TEX2: variants seen among roughly 807,000 people sequenced by gnomAD.
TEX2 encodes testis expressed 2, also known as testis-expressed protein 2.
Under a neutral mutation model 106.9 loss-of-function variants are expected in TEX2, and 53 were observed. The observed-to-expected ratio is 0.50, with a 90% CI of 0.40 to 0.62. The LOEUF is 0.62. Ranked by LOEUF, TEX2 falls within the 20% of genes least tolerant of loss-of-function variation. The probability of loss-of-function intolerance (pLI) is 0.00; values close to 1 mark genes in which losing one functional copy is unlikely to be tolerated. For synonymous variants in TEX2, 523 were observed against 534.8 expected, an observed-to-expected ratio of 0.98 and a Z score of 0.30; for missense variants, 1,207 against 1,379.0, an observed-to-expected ratio of 0.88 and a Z score of 1.98.
intron 8 of TEX2, among the ~76,000 whole-genome samples, chr17:64,159,828 C>G (rs1342014493): frequency 1.3e-5 from 2 of 152,170 alleles, no homozygotes; most frequent in Non-Finnish European, 2.9e-5. Flanking sequence ...AAAATAGAAA[C>G]ATTTCATTAA....
At chr17:64,211,855 A>G (rs2033011672) in intron 2 of TEX2, among the ~76,000 whole-genome samples, 1 of 152,258 alleles carries the variant, frequency 6.6e-6, no homozygotes, top group African/African-American at 2.4e-5. Flanking sequence ...AATAATAAAT[A>G]GAAGTTCTAG....
chr17:64,262,799 G>A (rs2034317695), intron 1 of TEX2, among the ~76,000 whole-genome samples: 1 of 152,208 alleles, frequency 6.6e-6, no homozygotes, highest in East Asian at 1.9e-4. Flanking sequence ...TGAGGGGGGC[G>A]GCAGGAACCC....
In TEX2 at chr17:64,177,367, A is replaced by G. The variant is rs145899546; in HGVS notation, c.2529T>C (p.Asp843=). The change falls in exon 6 of 12, where the codon GAT becomes GAC. Residue 843 remains aspartate (D), a synonymous_variant. Transcript: ENST00000584379. ...TCATTTGGATCTTCTTAGACACCAG[A>G]TCAGACCAGTATTTCTCTCCTAAGA... ...WDFLGEKYWS[D]LVSKKIQMKL... 1.1e-4 allele frequency: 181 copies of G among 1,614,076 alleles called. No homozygotes were observed. Among genetic ancestry groups the G allele is most frequent in the Non-Finnish European group, 1.5e-4 (178 of 1,180,040 alleles).
chr17:64,212,411 C>T (rs1219044022), intron 2 of TEX2, among the ~76,000 whole-genome samples, 163 bp downstream of exon 2: 1 of 152,094 alleles, frequency 6.6e-6, no homozygotes, highest in African/African-American at 2.4e-5. Flanking sequence ...TGAGGTTTAC[C>T]AGATGAGTTG....
In TEX2 at chr17:64,238,525, T is replaced by G. The variant is rs1555635380; in HGVS notation, c.-25-24283A>C. Among the ~76,000 whole-genome samples, 9 of 152,234 alleles carry G rather than the reference T, an allele frequency of 5.9e-5. 1 individual carries two copies. ...AATTTATAAAGAAAAGAGGTTTAAT[T>G]GACTCACAGTTTCACATGGCCGGGA... On this transcript the variant is annotated intron_variant, in intron 1 of 11. Coordinates refer to ENST00000584379, the MANE Select transcript of TEX2 (RefSeq NM_001288732.2).
rs553461009 is a variant in TEX2, at chr17:64,249,748, T to C, written c.-26+13420A>G. Among the ~76,000 whole-genome samples the C allele has an allele frequency of 2.6e-4, 39 of 152,200 alleles. 1 individual carries two copies. Among genetic ancestry groups the C allele is most frequent in the African/African-American group, 9.1e-4 (38 of 41,540 alleles). On this transcript the variant is annotated intron_variant, in intron 1 of 11. Coordinates refer to ENST00000584379, the MANE Select transcript of TEX2 (RefSeq NM_001288732.2). ...GATTTTAGTACCTCCTGAAATAAAATTCACTTCAGGCTATTAGGCCTCCTC... is the reference window on the plus strand; with the variant it reads ...GATTTTAGTACCTCCTGAAATAAAACTCACTTCAGGCTATTAGGCCTCCTC...
chr17:64,258,570 T>G (rs2034229103), intron 1 of TEX2, among the ~76,000 whole-genome samples: 1 of 152,204 alleles, frequency 6.6e-6, no homozygotes, highest in African/African-American at 2.4e-5. Context: ...CTCACATTGT[T>G]ATCACCTGCG....
intron 7 of TEX2, among the ~76,000 whole-genome samples, chr17:64,161,370 G>T (rs1382085797): frequency 6.6e-6 from 1 of 152,230 alleles, no homozygotes; most frequent in Admixed American, 6.5e-5. Context: ...AAGCTGGGTT[G>T]TTCTTTAAAG....
intron 4 of TEX2, among the ~76,000 whole-genome samples, chr17:64,190,030 A>C (rs1460370225): frequency 6.6e-6 from 1 of 152,032 alleles, no homozygotes; most frequent in Non-Finnish European, 1.5e-5. Context: ...CAAAAAATCA[A>C]ATCAAACCAT....
At chr17:64,246,525 G>A (rs989995407) in intron 1 of TEX2, among the ~76,000 whole-genome samples, 1 of 152,144 alleles carries the variant, frequency 6.6e-6, no homozygotes, top group Non-Finnish European at 1.5e-5. Context: ...GATTACAGGC[G>A]TGACCCACCA....
intron 1 of TEX2, among the ~76,000 whole-genome samples, chr17:64,230,135 A>G (rs1463021628): frequency 6.6e-6 from 1 of 152,174 alleles, no homozygotes; most frequent in Non-Finnish European, 1.5e-5. Context: ...GCACATGTGT[A>G]TGTGCATGTA....
At chr17:64,193,296 A>G (rs1043417747) in intron 4 of TEX2, among the ~76,000 whole-genome samples, 1 of 152,240 alleles carries the variant, frequency 6.6e-6, no homozygotes, top group African/African-American at 2.4e-5. Flanking sequence ...GGGGAGTCAC[A>G]TTATATACAA....
chr17:64,228,551 C>T (rs782680376), intron 1 of TEX2, among the ~76,000 whole-genome samples: 25 of 152,182 alleles, frequency 1.6e-4, no homozygotes, highest in Non-Finnish European at 3.4e-4. Context: ...GTTTACACTC[C>T]TATGAGAATC....
In TEX2 at chr17:64,147,606, C is replaced by T. The variant is rs1323055014; in HGVS notation, c.*1363G>A. ...CACAACAATTATAAAGACCAGTGAC[C>T]AGGACACGTGGACTCTGACAGGCAG... On this transcript the variant is annotated 3_prime_UTR_variant, in exon 12 of 12. Coordinates refer to ENST00000584379, the MANE Select transcript of TEX2 (RefSeq NM_001288732.2). 2 of 152,498 alleles carry T rather than the reference C, an allele frequency of 1.3e-5. No homozygotes were observed. Among genetic ancestry groups the T allele is most frequent in the African/African-American group, 4.8e-5 (2 of 41,400 alleles). The allele number at this position is 152,498 out of a possible 1,614,324, so 9.4% of individuals were successfully genotyped here.
intron 11 of TEX2, 145 bp from the exon 12 acceptor site, chr17:64,149,236 C>T: frequency 1.3e-6 from 1 of 785,478 alleles, no homozygotes; most frequent in Non-Finnish European, 2.0e-6. Context: ...AATTCTCCCA[C>T]CATACATACT....
intron 7 of TEX2, 107 bp from the exon 8 acceptor site, chr17:64,161,040 A>T (rs2030861509): frequency 1.6e-6 from 2 of 1,234,406 alleles, no homozygotes; most frequent in African/African-American, 1.5e-5. Flanking sequence ...CTGAAAGTCC[A>T]TGTATCGTCT....
intron 1 of TEX2, among the ~76,000 whole-genome samples, chr17:64,235,824 C>T (rs956099897): frequency 1.4e-4 from 22 of 152,256 alleles, no homozygotes; most frequent in African/African-American, 5.3e-4. Flanking sequence ...TCTGCACATC[C>T]CTTTTTGAGT....
rs191890499 is a variant in TEX2 at position 64,148,629 on chromosome 17, T to C, written c.*340A>G. ...GCTTTGGAGGAGTAGAGGAGGCAAG[T>C]TGTTCAGCTTTGCTCTTACTGTGCT... On this transcript the variant is annotated 3_prime_UTR_variant, in exon 12 of 12. Coordinates refer to ENST00000584379, the MANE Select transcript of TEX2 (RefSeq NM_001288732.2). 1 of 218,764 alleles carries C rather than the reference T, an allele frequency of 4.6e-6. No individual in the cohort carries two copies. Among genetic ancestry groups the C allele is most frequent in the Admixed American group, 5.5e-5 (1 of 18,058 alleles). 13.6% of individuals were successfully genotyped at this position (218,764 alleles called of 1,614,324 possible). A position where few individuals can be genotyped will look rare whatever the true frequency, so the allele number is the denominator to read the frequency against.
chr17:64,239,981 T>A (rs2033855033), intron 1 of TEX2, among the ~76,000 whole-genome samples: 1 of 150,718 alleles, frequency 6.6e-6, no homozygotes, highest in Non-Finnish European at 1.5e-5. Context: ...ACAACTTGAA[T>A]TGTTAAATAA....
Sources: allele counts gnomAD v4.1 joint callset (sites outside exome capture counted in the v4.1 genomes callset), GRCh38; gene constraint gnomAD v4.1.1; transcripts MANE v1.5; gene names NCBI Gene and HGNC (gene_info 2026-07-23, HGNC 2026-07-21).